The following CCDC148 variants were observed in gnomAD, a reference collection of about 807,000 sequenced individuals.
The protein encoded by CCDC148 is coiled-coil domain-containing protein 148.
A neutral mutation model predicts 85.7 loss-of-function variants in CCDC148; 89 were observed. The ratio of observed to expected loss-of-function variants is 1.04; its 90% CI spans 0.87 to 1.24. The LOEUF (loss-of-function observed/expected upper bound fraction) is 1.24, where lower values mean the gene tolerates loss of function less well. Among genes scored for constraint, CCDC148 ranks in the 50% most tolerant of loss-of-function variants. CCDC148 has a pLI of 0.00. For synonymous variants in CCDC148, 230 were observed against 213.9 expected (o/e 1.08, Z -0.66); for missense variants, 692 against 671.7 (o/e 1.03, Z -0.33).
intron 1 of CCDC148, among the ~76,000 whole-genome samples, chr2:158,371,733 T>A (rs867129227): frequency 1.3e-5 from 2 of 151,958 alleles, no homozygotes; most frequent in African/African-American, 4.8e-5. Flanking sequence ...CATATATATA[T>A]ATTCATTCAA....
At chr2:158,435,201 G>GA in intron 1 of CCDC148, among the ~76,000 whole-genome samples, 1 of 152,110 alleles carries the variant, frequency 6.6e-6, no homozygotes, top group Non-Finnish European at 1.5e-5. Context: ...GGAAATGAAG[G>GA]AAAAAATGTT....
chr2:158,291,650 A>G (rs1690900403), intron 9 of CCDC148, among the ~76,000 whole-genome samples: 1 of 152,132 alleles, frequency 6.6e-6, no homozygotes, highest in Non-Finnish European at 1.5e-5. Flanking sequence ...TAATTCTTAT[A>G]CATATCTCTC....
At chr2:158,199,458 T>C (rs1409698792) in intron 11 of CCDC148, among the ~76,000 whole-genome samples, 1 of 152,198 alleles carries the variant, frequency 6.6e-6, no homozygotes, top group Non-Finnish European at 1.5e-5. Context: ...TTGGCCAGGC[T>C]GGTCTCAAAC....
In CCDC148 at chr2:158,220,684, C is replaced by T. The variant is rs567924193; in HGVS notation, c.1281G>A (p.Gln427=). ...KIKKYWAKKK[Q]KWQEMEMRDL... ...CTCTCATTTCCATTTCTTGCCACTT[C>T]TGTTTTTTCTTGGCCCAGTATTTTT... The change falls in exon 11 of 14, where the codon CAG becomes CAA. Residue 427 remains glutamine, a synonymous_variant. Coordinates refer to ENST00000283233, the MANE Select transcript of CCDC148 (RefSeq NM_138803.4). 33 of 1,586,368 alleles carry T rather than the reference C, an allele frequency of 2.1e-5. No homozygotes were observed. In the East Asian group the frequency reaches 7.1e-4, roughly 34 times the overall value.
chr2:158,314,796 G>A (rs1193405261), intron 7 of CCDC148, among the ~76,000 whole-genome samples: 1 of 152,134 alleles, frequency 6.6e-6, no homozygotes, highest in East Asian at 1.9e-4. Context: ...AATCCAAGAG[G>A]ATACTTGTCA....
chr2:158,226,500 A>C (rs1415621606), intron 10 of CCDC148, among the ~76,000 whole-genome samples: 6 of 152,106 alleles, frequency 3.9e-5, no homozygotes, highest in South Asian at 2.1e-4. Flanking sequence ...GAGACACAAC[A>C]AAAAAAGAGA....
intron 1 of CCDC148, among the ~76,000 whole-genome samples, chr2:158,444,564 TGAGCCCAG>T (rs1688078217): frequency 6.6e-6 from 1 of 152,104 alleles, no homozygotes; most frequent in South Asian, 2.1e-4. Context: ...GAGGATTGCT[TGAGCCCAG>T]GAGCTCAAGA....
chr2:158,385,900 C>A (rs1685066313), intron 1 of CCDC148, among the ~76,000 whole-genome samples: 1 of 152,106 alleles, frequency 6.6e-6, no homozygotes. Flanking sequence ...AAAACAAGGG[C>A]ATCCTGGGAA....
chr2:158,395,041 T>G (rs1685466331), intron 1 of CCDC148, among the ~76,000 whole-genome samples: 1 of 152,060 alleles, frequency 6.6e-6, no homozygotes, highest in African/African-American at 2.4e-5. Context: ...AGAACATTAA[T>G]TTTCTAAAGA....
At chr2:158,274,682 AAG>A (rs2105166133) in intron 9 of CCDC148, among the ~76,000 whole-genome samples, 1 of 152,364 alleles carries the variant, frequency 6.6e-6, no homozygotes, top group South Asian at 2.1e-4. Context: ...CATTGGGTCT[AAG>A]AGAATTGACA....
At chr2:158,438,854 A>T (rs965860903) in intron 1 of CCDC148, among the ~76,000 whole-genome samples, 3 of 152,236 alleles carry the variant, frequency 2.0e-5, no homozygotes, top group African/African-American at 7.2e-5. Context: ...ACATTTATGC[A>T]GCCAACAGAC....
chr2:158,351,426 G>A (rs1683275175), intron 2 of CCDC148, among the ~76,000 whole-genome samples: 1 of 151,186 alleles, frequency 6.6e-6, no homozygotes. Flanking sequence ...CACTTGGGAA[G>A]CGCAAGGGGT....
At chr2:158,227,213 CA>C (rs1687590896) in intron 10 of CCDC148, among the ~76,000 whole-genome samples, 1 of 151,686 alleles carries the variant, frequency 6.6e-6, no homozygotes, top group Non-Finnish European at 1.5e-5. Flanking sequence ...ACAATTGCTT[CA>C]AAGAGAATAA....
chr2:158,252,065 T>C (rs1688813739), intron 9 of CCDC148, among the ~76,000 whole-genome samples: 1 of 151,784 alleles, frequency 6.6e-6, no homozygotes, highest in Non-Finnish European at 1.5e-5. Flanking sequence ...CAGGGAAATG[T>C]AGAGGTATGC....
chr2:158,388,017 T>A (rs996475807), intron 1 of CCDC148, among the ~76,000 whole-genome samples: 4 of 152,148 alleles, frequency 2.6e-5, no homozygotes, highest in Non-Finnish European at 5.9e-5. Context: ...GATTTAGGAC[T>A]GAAAGTTCAG....
chr2:158,236,020 A>C (rs990617603), intron 10 of CCDC148: 2 of 152,318 alleles, frequency 1.3e-5, no homozygotes, highest in East Asian at 1.9e-4. Flanking sequence ...CAAGGAAGCC[A>C]TGTGTGAAAA....
rs1491422073 is a variant in CCDC148 at position 158,406,614 on chromosome 2, T to TTTTTTTTTCTGTTTTTTTTTTTTG, written c.26-48045_26-48044insCAAAAAAAAAAAACAGAAAAAAAA. Among the ~76,000 whole-genome samples the TTTTTTTTTCTGTTTTTTTTTTTTG allele has an allele frequency of 4.7e-3, 247 of 52,462 alleles. 9 individuals carry two copies. The highest frequency in any genetic ancestry group is 8.6e-3 in the Middle Eastern group (1 of 116). The allele number at this position is 52,462 out of a possible 152,430, so 34.4% of individuals were successfully genotyped here. A position where few individuals can be genotyped will look rare whatever the true frequency, so the allele number is the denominator to read the frequency against. ...CAGCCAGTTAAACAGATTAAATTTC[T>TTTTTTTTTCTGTTTTTTTTTTTTG]TTTTTTTTTTTTTTTTTTTTTTTTT... On this transcript the variant is annotated intron_variant, in intron 1 of 13. Transcript: ENST00000283233.
intron 1 of CCDC148, among the ~76,000 whole-genome samples, chr2:158,407,413 T>C (rs889496205): frequency 2.0e-5 from 3 of 152,188 alleles, no homozygotes; most frequent in Non-Finnish European, 4.4e-5. Context: ...TTTTTCCCTC[T>C]ATTATTCCAC....
chr2:158,442,652 G>C (rs886683782), intron 1 of CCDC148, among the ~76,000 whole-genome samples: 1 of 152,176 alleles, frequency 6.6e-6, no homozygotes, highest in African/African-American at 2.4e-5. Flanking sequence ...AAAAGGCCCA[G>C]AACTATAAGA....
Sources: gnomAD v4.1 joint callset for allele counts (sites outside exome capture counted in the v4.1 genomes callset) on GRCh38, gnomAD v4.1.1 for gene constraint, MANE v1.5 for transcripts, NCBI Gene and HGNC (gene_info 2026-07-23, HGNC 2026-07-21) for gene names.